DENND5A: variants seen among roughly 807,000 people sequenced by gnomAD.
DENND5A encodes the protein DENN domain containing 5A.
A neutral mutation model predicts 140.3 loss-of-function variants in DENND5A; 64 were observed. The ratio of observed to expected loss-of-function variants is 0.46; its 90% CI spans 0.37 to 0.56. DENND5A has a LOEUF of 0.56. DENND5A is among the 20% of genes least tolerant of loss of function. The pLI, the probability that DENND5A is intolerant of heterozygous loss-of-function variation, is 0.00. For missense variants in DENND5A, 1,292 were observed against 1,593.8 expected (o/e 0.81, Z 3.22); for synonymous variants, 605 against 607.7 (o/e 1.00, Z 0.07).
rs577387005 is a variant in DENND5A, at chr11:9,263,076, A to G, written c.109+1885T>C. Reference sequence around the variant, plus strand: ...ATTTTTTTAAAGTAAATTAGAAACCATAAAACTACCCCGACAAAAAGCCTA... The same window carrying G: ...ATTTTTTTAAAGTAAATTAGAAACCGTAAAACTACCCCGACAAAAAGCCTA... On this transcript the variant is annotated intron_variant, in intron 1 of 22. Coordinates refer to ENST00000328194, the MANE Select transcript of DENND5A (RefSeq NM_015213.4). Among the ~76,000 whole-genome samples the G allele has an allele frequency of 2.0e-4, 31 of 152,034 alleles. 1 individual carries two copies. Among genetic ancestry groups the G allele is most frequent in the Non-Finnish European group, 7.4e-5 (5 of 68,022 alleles).
rs548141276 is a variant in DENND5A, at chr11:9,228,110, C to CAAAAAA, written c.110-20484_110-20479dup. 3.7e-4 allele frequency among the ~76,000 whole-genome samples: 27 copies of CAAAAAA among 72,642 alleles called. 1 individual carries two copies. Among genetic ancestry groups the CAAAAAA allele is most frequent in the South Asian group, 5.5e-4 (1 of 1,824 alleles). 47.7% of individuals were successfully genotyped at this position (72,642 alleles called of 152,430 possible). A position where few individuals can be genotyped will look rare whatever the true frequency, so the allele number is the denominator to read the frequency against. ...CCTGGGCGATAGCAAGACTCCATCT[C>CAAAAAA]AAAAAAAAAAAAAAAAAAAAAACTT... On this transcript the variant is annotated intron_variant, in intron 1 of 22. Coordinates refer to ENST00000328194, the MANE Select transcript of DENND5A (RefSeq NM_015213.4).
intron 15 of DENND5A, 23 bp downstream of exon 15, chr11:9,150,058 T>A: frequency 6.3e-7 from 1 of 1,598,690 alleles, no homozygotes; most frequent in Non-Finnish European, 8.5e-7. Context: ...AGCCTGCTTC[T>A]ACTCCTGGCG....
chr11:9,216,787 G>C (rs1282087673), intron 1 of DENND5A, among the ~76,000 whole-genome samples: 1 of 152,182 alleles, frequency 6.6e-6, no homozygotes, highest in Non-Finnish European at 1.5e-5. Flanking sequence ...TGGAGGGATT[G>C]CTTGAGCCTG....
At chr11:9,214,909 G>A (rs1850027366) in intron 1 of DENND5A, among the ~76,000 whole-genome samples, 1 of 151,910 alleles carries the variant, frequency 6.6e-6, no homozygotes, top group African/African-American at 2.4e-5. Flanking sequence ...TTTTTAGTAG[G>A]GATGGGGTTT....
At chr11:9,149,200 C>T (rs1266839134) in intron 15 of DENND5A, among the ~76,000 whole-genome samples, 1 of 152,222 alleles carries the variant, frequency 6.6e-6, no homozygotes. Flanking sequence ...CCTGCCTCCA[C>T]CTTATCCCAT....
At chr11:9,164,194 ATTTTTTTT>A (rs779522112) in intron 11 of DENND5A, among the ~76,000 whole-genome samples, 13 of 79,056 alleles carry the variant, frequency 1.6e-4, no homozygotes, top group African/African-American at 6.3e-4. Flanking sequence ...ACCACGCCTA[ATTTTTTTT>A]TTTTTTTTTT....
rs1339422402 is a variant in DENND5A, at chr11:9,170,187, C to T, written c.2058-238G>A. 5 of 740,466 alleles carry T rather than the reference C, an allele frequency of 6.8e-6. No individual in the cohort carries two copies. The East Asian group carries it at 3.9e-4, about 58-fold the overall frequency. The allele number at this position is 740,466 out of a possible 1,614,324, so 45.9% of individuals were successfully genotyped here. On this transcript the variant is annotated intron_variant, in intron 9 of 22. Transcript: ENST00000328194. Reference sequence around the variant, plus strand: ...TCTTGAAACATCTACAAACACTTGACATATAGATCTAAAACTATATTCACT... The same window carrying T: ...TCTTGAAACATCTACAAACACTTGATATATAGATCTAAAACTATATTCACT...
At chr11:9,258,080 AC>A (rs1454711965) in intron 1 of DENND5A, among the ~76,000 whole-genome samples, 1 of 152,096 alleles carries the variant, frequency 6.6e-6, no homozygotes, top group East Asian at 1.9e-4. Flanking sequence ...AGCATGAGCC[AC>A]CGTACCCGGT....
intron 11 of DENND5A, among the ~76,000 whole-genome samples, chr11:9,164,089 T>TTTTTTTTA (rs1848096647): frequency 1.6e-5 from 2 of 121,278 alleles, no homozygotes; most frequent in Admixed American, 8.6e-5. Flanking sequence ...TTTTTTTTTT[T>TTTTTTTTA]GAGAGAGGGT....
chr11:9,228,123 A>AC (rs1554930486), intron 1 of DENND5A, among the ~76,000 whole-genome samples: 2 of 151,290 alleles, frequency 1.3e-5, no homozygotes, highest in Non-Finnish European at 2.9e-5. Context: ...AAAAAAAAAA[A>AC]AAAAAAAAAC....
At chr11:9,190,395 T>C (rs950123327) in intron 5 of DENND5A, among the ~76,000 whole-genome samples, 2 of 152,132 alleles carry the variant, frequency 1.3e-5, no homozygotes, top group African/African-American at 2.4e-5. Context: ...TAGGGGGTAG[T>C]TGAATCATGG....
rs541556828 is a variant in DENND5A, at chr11:9,169,359, T to C, written c.2151+497A>G. ...TACTCAAGAGGCTGAGGCAGGGGAA[T>C]TGCTTGAACCCAGGAGATGGAGGCT... On this transcript the variant is annotated intron_variant, in intron 10 of 22. Transcript: ENST00000328194. Among the ~76,000 whole-genome samples, 5 of 152,190 alleles carry C rather than the reference T, an allele frequency of 3.3e-5. No individual in the cohort carries two copies. The East Asian group carries it at 9.7e-4, about 29-fold the overall frequency.
intron 1 of DENND5A, among the ~76,000 whole-genome samples, chr11:9,216,512 G>A (rs1266445297): frequency 6.6e-6 from 1 of 152,202 alleles, no homozygotes; most frequent in African/African-American, 2.4e-5. Context: ...CTTGAGAAAG[G>A]CTGAGATACA....
chr11:9,144,993 A>C lies in DENND5A; in HGVS notation c.3122+2T>G. 1.2e-6 allele frequency: 2 copies of C among 1,602,784 alleles called. No homozygotes were observed. The highest frequency in any genetic ancestry group is 1.7e-6 in the Non-Finnish European group (2 of 1,169,748). On this transcript the variant is annotated splice_donor_variant, in intron 18 of 22. Transcript: ENST00000328194. LOFTEE classifies it high-confidence loss of function. ...TACCTTACAGCCTGAGGGTATACTT[A>C]CTTGTAGGTATGTCCTGTGATCTCA...
chr11:9,225,713 G>C (rs1436508974), intron 1 of DENND5A, among the ~76,000 whole-genome samples: 1 of 152,168 alleles, frequency 6.6e-6, no homozygotes, highest in African/African-American at 2.4e-5. Flanking sequence ...AGTGAACCAA[G>C]ATCACGCCAC....
At chr11:9,258,438 C>A (rs1479346145) in intron 1 of DENND5A, among the ~76,000 whole-genome samples, 1 of 152,118 alleles carries the variant, frequency 6.6e-6, no homozygotes, top group East Asian at 1.9e-4. Context: ...CATCCATGTC[C>A]CTGCAAAGGA....
chr11:9,177,915 T>A, intron 8 of DENND5A: 1 of 518,066 alleles, frequency 1.9e-6, no homozygotes, highest in Non-Finnish European at 3.5e-6. Context: ...CTGATTAGGG[T>A]CTCTACTACA....
At chr11:9,170,332 G>C (rs1848328669) in intron 9 of DENND5A, 8 of 969,192 alleles carry the variant, frequency 8.3e-6, no homozygotes, top group Non-Finnish European at 9.8e-6. Context: ...TAAATACAAT[G>C]CTAGCTTGCT....
chr11:9,147,074 T>C lies in DENND5A; in HGVS notation c.2813A>G (p.Asn938Ser), dbSNP rs140691520. The C allele has an allele frequency of 9.3e-5, 150 of 1,614,146 alleles. No individual in the cohort carries two copies. The African/African-American group carries it at 1.7e-3, about 19-fold the overall frequency. Residue 938 changes from asparagine to serine, a missense_variant, in exon 16 of 23, where the codon AAT becomes AGT. Asn to Ser is a conservative substitution (Grantham distance 46). Around this residue, in one of 4 missense-constraint regions of DENND5A, gnomAD observed 498 missense variants for 689.7 expected, o/e 0.72. Coordinates refer to ENST00000328194, the MANE Select transcript of DENND5A (RefSeq NM_015213.4). ...GGTGAAGCAAAAGTAATCGACGGCATTGAAAGACAGGAGGTGATAGAGGAA... is the reference window on the plus strand; with the variant it reads ...GGTGAAGCAAAAGTAATCGACGGCACTGAAAGACAGGAGGTGATAGAGGAA... ...EQFLYHLLSF[N>S]AVDYFCFTNV...
Sources: gnomAD v4.1 joint callset for allele counts (sites outside exome capture counted in the v4.1 genomes callset) on GRCh38, gnomAD v4.1.1 for gene constraint, gnomAD v4.1.1 regional missense constraint, MANE v1.5 for transcripts, NCBI Gene and HGNC (gene_info 2026-07-23, HGNC 2026-07-21) for gene names.